The following CTNNA2 variants were observed in gnomAD, a reference collection of about 807,000 sequenced individuals.
CTNNA2 encodes catenin alpha-2.
A neutral mutation model predicts 101.0 loss-of-function variants in CTNNA2; 42 were observed. The observed-to-expected ratio is 0.42, with a 90% CI of 0.32 to 0.54. The LOEUF (loss-of-function observed/expected upper bound fraction) is 0.54, where lower values mean the gene tolerates loss of function less well. CTNNA2 is among the 20% of genes least tolerant of loss of function. The pLI, the probability that CTNNA2 is intolerant of heterozygous loss-of-function variation, is 0.14. For synonymous variants in CTNNA2, 450 were observed against 456.4 expected (o/e 0.99, Z 0.18); for missense variants, 871 against 1,223.1 (o/e 0.71, Z 4.29).
chr2:80,482,962 T>A (rs1191050656), intron 9 of CTNNA2, among the ~76,000 whole-genome samples: 3 of 152,198 alleles, frequency 2.0e-5, no homozygotes, highest in Non-Finnish European at 4.4e-5. Context: ...CTGGCTCTGC[T>A]CCTGGAAGAA....
intron 7 of CTNNA2, among the ~76,000 whole-genome samples, chr2:80,283,142 A>G (rs1674513282): frequency 6.6e-6 from 1 of 152,144 alleles, no homozygotes; most frequent in African/African-American, 2.4e-5. Flanking sequence ...AGTTTTAATC[A>G]TCAAATAAAT....
intron 7 of CTNNA2, among the ~76,000 whole-genome samples, chr2:80,111,985 C>A (rs1032155679): frequency 1.1e-4 from 17 of 151,996 alleles, no homozygotes; most frequent in Non-Finnish European, 2.5e-4. Flanking sequence ...ACTGATGATA[C>A]CTAGTTGAAA....
intron 9 of CTNNA2, among the ~76,000 whole-genome samples, chr2:80,523,829 T>C (rs2149579742): frequency 6.6e-6 from 1 of 152,300 alleles, no homozygotes; most frequent in South Asian, 2.1e-4. Context: ...CCAATCTTGA[T>C]ACAAATTCTT....
At chr2:80,158,812 A>G (rs60659718) in intron 7 of CTNNA2, among the ~76,000 whole-genome samples, 42,327 of 151,744 alleles carry the variant, frequency 0.28, 9,586 homozygotes, top group African/African-American at 0.62. Context: ...TTGAGAGGTT[A>G]AGGCAGGAGA....
chr2:80,499,692 G>A (rs1018996081), intron 9 of CTNNA2, among the ~76,000 whole-genome samples: 1 of 152,032 alleles, frequency 6.6e-6, no homozygotes, highest in African/African-American at 2.4e-5. Context: ...GTGGTGGTGA[G>A]TACATGTAAT....
intron 3 of CTNNA2, 134 bp from the exon 4 acceptor site, chr2:79,857,879 T>C (rs1681263840): frequency 2.3e-6 from 2 of 886,828 alleles, no homozygotes; most frequent in African/African-American, 1.7e-5. Flanking sequence ...TTTGCTGCAA[T>C]AGAGGTGGCA....
At chr2:79,610,989 C>T (rs1678235270) in intron 1 of CTNNA2, among the ~76,000 whole-genome samples, 1 of 152,002 alleles carries the variant, frequency 6.6e-6, no homozygotes. Flanking sequence ...ATCTCAAAAC[C>T]GTAATCATTA....
chr2:79,219,089 G>C (rs890737157), intron 2 of CTNNA2, among the ~76,000 whole-genome samples: 1 of 152,000 alleles, frequency 6.6e-6, no homozygotes, highest in Non-Finnish European at 1.5e-5. Flanking sequence ...ATATGTAAAC[G>C]CCTTTACTTC....
intron 2 of CTNNA2, among the ~76,000 whole-genome samples, chr2:79,658,442 C>T (rs538506151): frequency 5.3e-5 from 8 of 152,032 alleles, no homozygotes; most frequent in South Asian, 4.1e-4. Flanking sequence ...TAATGGCTTT[C>T]GCTTAATAAA....
At chr2:79,746,553 A>G (rs1335917081) in intron 3 of CTNNA2, among the ~76,000 whole-genome samples, 1 of 152,206 alleles carries the variant, frequency 6.6e-6, no homozygotes, top group Non-Finnish European at 1.5e-5. Flanking sequence ...CATAAATCTT[A>G]GTGCCATTCT....
intron 1 of CTNNA2, among the ~76,000 whole-genome samples, chr2:79,569,292 T>C (rs1216220284): frequency 1.3e-5 from 2 of 152,214 alleles, no homozygotes; most frequent in Admixed American, 6.5e-5. Context: ...GAGTCCATTT[T>C]AGCTAAGTAG....
At chr2:79,300,321 C>T (rs1006471268) in intron 2 of CTNNA2, among the ~76,000 whole-genome samples, 23 of 152,176 alleles carry the variant, frequency 1.5e-4, no homozygotes, top group Non-Finnish European at 2.4e-4. Flanking sequence ...TTACCTTAAG[C>T]TTCCTCCATT....
chr2:80,371,454 T>C (rs1347946439), intron 7 of CTNNA2, among the ~76,000 whole-genome samples: 1 of 151,994 alleles, frequency 6.6e-6, no homozygotes, highest in African/African-American at 2.4e-5. Context: ...AAACCTGCAA[T>C]TTTAGGATGA....
At chr2:80,227,587 G>A (rs1004779861) in intron 7 of CTNNA2, among the ~76,000 whole-genome samples, 2 of 152,166 alleles carry the variant, frequency 1.3e-5, no homozygotes, top group African/African-American at 4.8e-5. Flanking sequence ...TTCTGTCCAT[G>A]GATGTGAGCC....
At chr2:80,375,365 G>C (rs551836116) in intron 7 of CTNNA2, among the ~76,000 whole-genome samples, 1 of 152,106 alleles carries the variant, frequency 6.6e-6, no homozygotes, top group African/African-American at 2.4e-5. Flanking sequence ...TTATAAACCT[G>C]GCTTTGTGTT....
intron 18 of CTNNA2, 27 bp from the exon 19 acceptor site, chr2:80,647,558 A>G: frequency 6.4e-7 from 1 of 1,573,976 alleles, no homozygotes; most frequent in African/African-American, 1.4e-5. Flanking sequence ...ATTAACCCAC[A>G]TGTATCTCAT....
intron 9 of CTNNA2, among the ~76,000 whole-genome samples, chr2:80,425,205 T>A (rs1460412141): frequency 6.6e-6 from 1 of 152,172 alleles, no homozygotes; most frequent in Non-Finnish European, 1.5e-5. Context: ...TTGCTTTTAT[T>A]GTGTATTTCT....
intron 3 of CTNNA2, among the ~76,000 whole-genome samples, chr2:79,812,790 G>A (rs1677154445): frequency 6.6e-6 from 1 of 152,154 alleles, no homozygotes; most frequent in Non-Finnish European, 1.5e-5. Flanking sequence ...CCTGCTGGGT[G>A]ATAGACCTCA....
intron 9 of CTNNA2, among the ~76,000 whole-genome samples, chr2:80,501,425 G>A (rs1687873833): frequency 6.6e-6 from 1 of 152,146 alleles, no homozygotes; most frequent in Non-Finnish European, 1.5e-5. Flanking sequence ...AATTAAGTGT[G>A]ACACATTGAA....
Sources: gnomAD v4.1 joint callset for allele counts (sites outside exome capture counted in the v4.1 genomes callset) on GRCh38, gnomAD v4.1.1 for gene constraint, MANE v1.5 for transcripts, NCBI Gene and HGNC (gene_info 2026-07-23, HGNC 2026-07-21) for gene names.